Variants in SCLT1 observed in about 807,000 individuals in gnomAD.
SCLT1 encodes sodium channel and clathrin linker 1, also known as sodium channel-associated protein 1.
SCLT1 carries 78 observed loss-of-function variants against 112.8 expected under a neutral mutation model. The observed-to-expected ratio is 0.69, with a 90% CI of 0.58 to 0.83. The LOEUF (loss-of-function observed/expected upper bound fraction) is 0.83, where lower values mean the gene tolerates loss of function less well. SCLT1 is among the 40% of genes least tolerant of loss of function. The probability of loss-of-function intolerance (pLI) is 0.00; values close to 1 mark genes in which losing one functional copy is unlikely to be tolerated. For missense variants in SCLT1, 747 were observed against 770.4 expected (o/e 0.97, Z 0.36); for synonymous variants, 257 against 254.7 (o/e 1.01, Z -0.09).
At position 129,023,008 on chromosome 4, in the gene SCLT1, A is replaced by G. The variant is rs574871131; in HGVS notation, c.290+16033T>C. Among the ~76,000 whole-genome samples the G allele has an allele frequency of 2.0e-5, 3 of 152,344 alleles. No homozygotes were observed. In the East Asian group the frequency reaches 5.8e-4, roughly 29 times the overall value. On this transcript the variant is annotated intron_variant, in intron 5 of 20. Coordinates refer to ENST00000281142, the MANE Select transcript of SCLT1 (RefSeq NM_144643.4). Reference sequence around the variant, plus strand: ...GCCAATATCCAACAATCTTAAAGAGAATAATTTTCAACCAAAAATTTCATA... The same window carrying G: ...GCCAATATCCAACAATCTTAAAGAGGATAATTTTCAACCAAAAATTTCATA...
chr4:129,047,693 T>C (rs1748316792), intron 2 of SCLT1, among the ~76,000 whole-genome samples: 1 of 152,014 alleles, frequency 6.6e-6, no homozygotes, highest in Non-Finnish European at 1.5e-5. Flanking sequence ...ACAGGGGTGA[T>C]ATGGGATCTC....
chr4:129,062,043 G>A (rs566073826), intron 2 of SCLT1, among the ~76,000 whole-genome samples: 4 of 151,434 alleles, frequency 2.6e-5, no homozygotes, highest in Non-Finnish European at 5.9e-5. Context: ...CACCCCAGTG[G>A]CGAGGTCCGT....
chr4:128,901,819 C>T (rs1280017159), intron 18 of SCLT1, among the ~76,000 whole-genome samples: 1 of 151,928 alleles, frequency 6.6e-6, no homozygotes, highest in Non-Finnish European at 1.5e-5. Flanking sequence ...TTTATCAATC[C>T]TGTATTATAA....
chr4:128,988,880 C>A (rs1012885303), intron 9 of SCLT1, among the ~76,000 whole-genome samples: 1 of 151,538 alleles, frequency 6.6e-6, no homozygotes, highest in Non-Finnish European at 1.5e-5. Flanking sequence ...TAAAGAGAGT[C>A]AAAAATGTTA....
rs564242779 is a variant in SCLT1 at position 128,984,164 on chromosome 4, A to G, written c.686+8003T>C. Among the ~76,000 whole-genome samples, 45 of 152,312 alleles carry G rather than the reference A, an allele frequency of 3.0e-4. 1 individual carries two copies. The South Asian group carries it at 8.9e-3, about 30-fold the overall frequency. On this transcript the variant is annotated intron_variant, in intron 9 of 20. Transcript: ENST00000281142. The stretch of plus-strand genomic sequence containing the variant: ...TGGAAAACTGCAACTAGTTTTATCA[A>G]TCTCTAAACTCAATTTATAATCCTT...
intron 9 of SCLT1, among the ~76,000 whole-genome samples, chr4:128,986,312 G>A (rs1443183539): frequency 3.9e-5 from 6 of 152,154 alleles, no homozygotes; most frequent in East Asian, 3.9e-4. Context: ...AGAATTCACC[G>A]TCCCAGTGGG....
intron 18 of SCLT1, among the ~76,000 whole-genome samples, chr4:128,922,567 G>T (rs1240233763): frequency 6.6e-6 from 1 of 152,150 alleles, no homozygotes; most frequent in Non-Finnish European, 1.5e-5. Flanking sequence ...AACAAATACT[G>T]CATGTTCTCA....
chr4:129,066,821 C>T (rs1438680409), intron 2 of SCLT1, among the ~76,000 whole-genome samples: 2 of 151,864 alleles, frequency 1.3e-5, no homozygotes, highest in African/African-American at 4.8e-5. Context: ...ACAAATGGCA[C>T]TATAAAGTAA....
chr4:128,880,433 G>T (rs1181510253), downstream of SCLT1, among the ~76,000 whole-genome samples: 1 of 152,110 alleles, frequency 6.6e-6, no homozygotes, highest in Non-Finnish European at 1.5e-5. Flanking sequence ...AATAAAGACA[G>T]ACATGGCCCC....
At position 129,043,441 on chromosome 4, in the gene SCLT1, T is replaced by C. The variant is rs769495312; in HGVS notation, c.188A>G (p.Tyr63Cys). 4 of 1,544,668 alleles carry C rather than the reference T, an allele frequency of 2.6e-6. No individual in the cohort carries two copies. In the East Asian group the frequency reaches 9.1e-5, roughly 35 times the overall value. ...QSFLAPLVTE[Y>C]DKHLGELNGQ... The stretch of plus-strand genomic sequence containing the variant: ...ATTTAGTTCTCCTAGGTGTTTATCA[T>C]ACTCAGTAACAAGAGGAGCTAAAAA... The change falls in exon 4 of 21, where the codon TAT becomes TGT. Residue 63 changes from tyrosine to cysteine, a missense_variant. Physicochemically the swap from Tyr to Cys is radical, Grantham distance 194. Around this residue, in one of 2 missense-constraint regions of SCLT1, gnomAD observed 723 missense variants for 721.3 expected, o/e 1.00. Coordinates refer to ENST00000281142, the MANE Select transcript of SCLT1 (RefSeq NM_144643.4).
In SCLT1 at chr4:128,952,662, G is replaced by A; in HGVS notation, c.1218+107C>T. On this transcript the variant is annotated intron_variant, in intron 14 of 20. Coordinates refer to ENST00000281142, the MANE Select transcript of SCLT1 (RefSeq NM_144643.4). Reference sequence around the variant, plus strand: ...ACTTTTTTCTTAGCACCTAGCCAGGGCTTGGTTTAATAAGTATCTTTTGAA... The same window carrying A: ...ACTTTTTTCTTAGCACCTAGCCAGGACTTGGTTTAATAAGTATCTTTTGAA... 3 of 749,964 alleles carry A rather than the reference G, an allele frequency of 4.0e-6. No homozygotes were observed. In the South Asian group the frequency reaches 4.5e-5, roughly 11 times the overall value. The allele number at this position is 749,964 out of a possible 1,614,324, so 46.5% of individuals were successfully genotyped here. A position where few individuals can be genotyped will look rare whatever the true frequency, so the allele number is the denominator to read the frequency against.
chr4:129,038,347 A>G (rs1287641965), intron 5 of SCLT1, among the ~76,000 whole-genome samples: 1 of 152,148 alleles, frequency 6.6e-6, no homozygotes, highest in East Asian at 1.9e-4. Flanking sequence ...TGCAAAATTG[A>G]TATTCATATA....
intron 2 of SCLT1, among the ~76,000 whole-genome samples, chr4:129,065,035 TG>T (rs1750354888): frequency 6.6e-6 from 1 of 152,100 alleles, no homozygotes; most frequent in South Asian, 2.1e-4. Flanking sequence ...TTTTTTTCTT[TG>T]CTTATTCTTG....
chr4:128,970,851 G>A (rs59540486), intron 9 of SCLT1: 43,049 of 157,472 alleles, frequency 0.27, 6,226 homozygotes, highest in South Asian at 0.35. Context: ...TGGAGATGGA[G>A]ATATACTGCT....
At chr4:129,052,072 G>A (rs766154559) in intron 2 of SCLT1, among the ~76,000 whole-genome samples, 12 of 152,314 alleles carry the variant, frequency 7.9e-5, no homozygotes, top group South Asian at 6.2e-4. Flanking sequence ...TCCAAGGGAT[G>A]AAGCTGACTT....
Position 129,082,341 on chromosome 4 carries a change from G to C in SCLT1, c.67C>G (p.Gln23Glu), listed in dbSNP as rs1233402899. The C allele has an allele frequency of 6.3e-7, 1 of 1,593,660 alleles. No individual in the cohort carries two copies. Among genetic ancestry groups the C allele is most frequent in the Admixed American group, 1.7e-5 (1 of 58,646 alleles). Residue 23 changes from glutamine (Q) to glutamate (E), a missense_variant, in exon 2 of 21, where the codon CAA (glutamine) becomes GAA (glutamate). Gln to Glu is a conservative substitution (Grantham distance 29). Around this residue, in one of 2 missense-constraint regions of SCLT1, gnomAD observed 723 missense variants for 721.3 expected, o/e 1.00. Coordinates refer to ENST00000281142, the MANE Select transcript of SCLT1 (RefSeq NM_144643.4). ...RRLNEDFRRY[Q>E]MESFSKYSSV... ...GAATATTTGGAAAAACTTTCCATTT[G>C]ATACCGCCTAAAATCTTCATTTAGT...
intron 18 of SCLT1, among the ~76,000 whole-genome samples, chr4:128,929,268 T>G (rs1736561505): frequency 6.6e-6 from 1 of 152,196 alleles, no homozygotes; most frequent in Non-Finnish European, 1.5e-5. Flanking sequence ...GTGTAAGATT[T>G]CTACAAGGAA....
chr4:129,004,645 T>C (rs185028568), intron 5 of SCLT1, among the ~76,000 whole-genome samples: 1 of 152,028 alleles, frequency 6.6e-6, no homozygotes, highest in Non-Finnish European at 1.5e-5. Flanking sequence ...GTAAATACAT[T>C]ACAAAGTGAA....
At chr4:128,952,875 T>C (rs774833349) in intron 13 of SCLT1, 35 bp from the exon 14 acceptor site, 1 of 1,058,892 alleles carries the variant, frequency 9.4e-7, no homozygotes, top group Non-Finnish European at 1.5e-6. Context: ...TATTTGGTTC[T>C]AGAATAAAAA....
Sources: gnomAD v4.1 joint callset for allele counts (sites outside exome capture counted in the v4.1 genomes callset) on GRCh38, gnomAD v4.1.1 for gene constraint, gnomAD v4.1.1 regional missense constraint, MANE v1.5 for transcripts, NCBI Gene and HGNC (gene_info 2026-07-23, HGNC 2026-07-21) for gene names.